Variants in TMEM243 observed in about 807,000 individuals in gnomAD.
The protein encoded by TMEM243 is MDR1 and mitochondrial taxol resistance associated.
TMEM243 carries 20 observed loss-of-function variants against 15.0 expected under a neutral mutation model. The observed-to-expected ratio is 1.33, with a 90% CI of 0.94 to 1.93. TMEM243 has a LOEUF of 1.93. Among genes scored for constraint, TMEM243 ranks in the 30% most tolerant of loss-of-function variants. The pLI, the probability that TMEM243 is intolerant of heterozygous loss-of-function variation, is 0.00. For synonymous variants in TMEM243, 72 were observed against 52.7 expected (o/e 1.37, Z -1.59); for missense variants, 156 against 142.1 (o/e 1.10, Z -0.50).
chr7:87,210,678 TA>T lies in TMEM243; in HGVS notation c.78+8747del, dbSNP rs138380370. Among the ~76,000 whole-genome samples, 31 of 152,360 alleles carry T rather than the reference TA, an allele frequency of 2.0e-4. No individual in the cohort carries two copies. The East Asian group carries it at 4.4e-3, about 22-fold the overall frequency. On this transcript the variant is annotated intron_variant, in intron 1 of 3. Transcript: ENST00000257637. ...CACACTAATGCAAGGAGTGGGCTCC[TA>T]AGGCCTTGAGCAACTCCACATGGCC...
chr7:87,210,381 C>A (rs937079444), intron 1 of TMEM243, among the ~76,000 whole-genome samples: 1 of 152,158 alleles, frequency 6.6e-6, no homozygotes, highest in Admixed American at 6.5e-5. Flanking sequence ...TTAACTCATT[C>A]CAGCATTAAC....
Position 87,197,982 on chromosome 7 carries a change from C to G in TMEM243, c.193G>C (p.Ala65Pro). The change falls in exon 3 of 4, where the codon GCT (alanine) becomes CCT (proline). Residue 65 changes from alanine (A) to proline (P), a missense_variant. Ala to Pro is a conservative substitution (Grantham distance 27). Coordinates refer to ENST00000257637, the MANE Select transcript of TMEM243 (RefSeq NM_024315.4). ...ATACTACTCAAAGAGATGCAGACAG[C>G]AAAGAATATATTCAACGGTTTTGGA... ...LPPKPLNIFFAVCISLSSITA... is the reference protein window; with the variant it reads ...LPPKPLNIFFPVCISLSSITA... 6.2e-7 allele frequency: 1 copy of G among 1,612,936 alleles called. No individual in the cohort carries two copies. Among genetic ancestry groups the G allele is most frequent in the Non-Finnish European group, 8.5e-7 (1 of 1,179,330 alleles).
intron 1 of TMEM243, among the ~76,000 whole-genome samples, chr7:87,204,584 CA>C (rs1252402822): frequency 1.3e-5 from 2 of 152,192 alleles, no homozygotes; most frequent in Non-Finnish European, 2.9e-5. Flanking sequence ...CATGCAAATC[CA>C]AAAACCAGCA....
In TMEM243 at chr7:87,219,580, G is replaced by A; in HGVS notation, c.-77C>T. On this transcript the variant is annotated 5_prime_UTR_variant, in exon 1 of 4. Coordinates refer to ENST00000257637, the MANE Select transcript of TMEM243 (RefSeq NM_024315.4). ...CTCCCGAGGTCTCAGGTCCACGACT[G>A]CAAGCCTCCTCCTCACGGCTCCCGC... 1 of 1,313,562 alleles carries A rather than the reference G, an allele frequency of 7.6e-7. No homozygotes were observed. Among genetic ancestry groups the A allele is most frequent in the South Asian group, 1.2e-5 (1 of 82,376 alleles). The allele number at this position is 1,313,562 out of a possible 1,614,324, so 81.4% of individuals were successfully genotyped here.
intron 1 of TMEM243, among the ~76,000 whole-genome samples, chr7:87,203,307 A>G (rs80151495): frequency 0.11 from 17,015 of 151,780 alleles, 1,221 homozygotes; most frequent in Middle Eastern, 0.18. Flanking sequence ...AATGGGGGGG[A>G]AAAAAAGCTA....
At chr7:87,211,257 G>C (rs1407448159) in intron 1 of TMEM243, among the ~76,000 whole-genome samples, 1 of 152,148 alleles carries the variant, frequency 6.6e-6, no homozygotes, top group Non-Finnish European at 1.5e-5. Flanking sequence ...TTTTATAAAA[G>C]GCTCAATCCC....
At position 87,197,951 on chromosome 7, in the gene TMEM243, GCAGTAATACTACTCAAAGAGATGCAGA is replaced by G. The variant is rs1801473478; in HGVS notation, c.197_223del (p.Val66_Thr74del). On this transcript the variant is annotated inframe_deletion, in exon 3 of 4. Transcript: ENST00000257637. The stretch of plus-strand genomic sequence containing the variant: ...CTCAACAGTACTTACAAGTATGCAG[GCAGTAATACTACTCAAAGAGATGCAGA>G]CAGCAAAGAATATATTCAACGGTTT... 6.2e-7 allele frequency: 1 copy of G among 1,612,818 alleles called. No homozygotes were observed. The highest frequency in any genetic ancestry group is 1.3e-5 in the African/African-American group (1 of 74,798).
intron 1 of TMEM243, among the ~76,000 whole-genome samples, chr7:87,201,155 G>A (rs1013279548): frequency 1.8e-4 from 27 of 152,296 alleles, no homozygotes; most frequent in African/African-American, 5.3e-4. Context: ...GAACTATTTC[G>A]GACATGGCAG....
chr7:87,198,663 G>C (rs1480980754), intron 2 of TMEM243: 2 of 320,114 alleles, frequency 6.2e-6, no homozygotes, highest in African/African-American at 4.4e-5. Context: ...TTTAAAACTT[G>C]ACCAAAGGGT....
chr7:87,200,714 A>G (rs1486931145), intron 1 of TMEM243, among the ~76,000 whole-genome samples: 1 of 152,222 alleles, frequency 6.6e-6, no homozygotes, highest in African/African-American at 2.4e-5. Context: ...ACTGTTTCAC[A>G]GGTAGCAAAA....
intron 1 of TMEM243, among the ~76,000 whole-genome samples, chr7:87,202,142 C>T (rs1801861778): frequency 6.6e-6 from 1 of 152,096 alleles, no homozygotes; most frequent in African/African-American, 2.4e-5. Flanking sequence ...AATTCAGATG[C>T]AAATACAAAA....
intron 1 of TMEM243, among the ~76,000 whole-genome samples, chr7:87,202,056 T>C (rs1801851334): frequency 6.6e-6 from 1 of 152,218 alleles, no homozygotes; most frequent in South Asian, 2.1e-4. Context: ...CATACATACA[T>C]GTATATATAT....
intron 1 of TMEM243, among the ~76,000 whole-genome samples, chr7:87,204,316 C>G (rs1186952688): frequency 6.6e-6 from 1 of 152,108 alleles, no homozygotes; most frequent in African/African-American, 2.4e-5. Context: ...CAATTTCATC[C>G]CTGGCCCCTC....
At chr7:87,199,436 G>A (rs769774941) in intron 1 of TMEM243, 9 of 185,142 alleles carry the variant, frequency 4.9e-5, no homozygotes, top group African/African-American at 9.4e-5. Context: ...ATCAGGAACC[G>A]GACTAGATGT....
chr7:87,219,868 G>T (rs968161997), upstream of TMEM243: 3 of 310,724 alleles, frequency 9.7e-6, no homozygotes, highest in Non-Finnish European at 1.8e-5. Context: ...GCCGCCCGCC[G>T]CTCGCCCCCG....
chr7:87,210,496 G>C (rs188194046), intron 1 of TMEM243, among the ~76,000 whole-genome samples: 2 of 152,340 alleles, frequency 1.3e-5, no homozygotes, highest in African/African-American at 2.4e-5. Flanking sequence ...TACAATGGGG[G>C]TTACAGGCAT....
chr7:87,196,644 C>A lies in TMEM243; in HGVS notation c.349G>T (p.Gly117Ter). The change falls in exon 4 of 4, where the codon GGA (glycine) becomes TGA (stop). Residue 117 changes from glycine (G) to a stop codon, truncating the protein, a stop_gained. Transcript: ENST00000257637. LOFTEE classifies it high-confidence loss of function. ...ACTTCTCCTTGGCAGCCTCACCTTCCCACATCATGGAAGTACAGGTTTGCA... is the reference window on the plus strand; with the variant it reads ...ACTTCTCCTTGGCAGCCTCACCTTCACACATCATGGAAGTACAGGTTTGCA... ...ICANLYFHDV[G>*]R The A allele has an allele frequency of 4.4e-6, 7 of 1,608,420 alleles. No individual in the cohort carries two copies. Among genetic ancestry groups the A allele is most frequent in the Non-Finnish European group, 5.9e-6 (7 of 1,177,620 alleles).
At chr7:87,199,188 A>G (rs1035178139) in intron 1 of TMEM243, 131 bp from the exon 2 acceptor site, 34 of 674,064 alleles carry the variant, frequency 5.0e-5, no homozygotes, top group African/African-American at 4.7e-4. Context: ...TTACACATAA[A>G]ACTACCAGAC....
chr7:87,201,999 A>G (rs1353819588), intron 1 of TMEM243, among the ~76,000 whole-genome samples: 3 of 152,216 alleles, frequency 2.0e-5, no homozygotes, highest in African/African-American at 4.8e-5. Context: ...AGGTTTAGAG[A>G]TAGTCTGAAT....
Sources: gnomAD v4.1 joint callset for allele counts (sites outside exome capture counted in the v4.1 genomes callset) on GRCh38, gnomAD v4.1.1 for gene constraint, MANE v1.5 for transcripts, NCBI Gene and HGNC (gene_info 2026-07-23, HGNC 2026-07-21) for gene names.